RAB38: variants seen among roughly 807,000 people sequenced by gnomAD.
The protein encoded by RAB38 is ras-related protein Rab-38.
Under a neutral mutation model 18.4 loss-of-function variants are expected in RAB38, and 15 were observed. The ratio of observed to expected loss-of-function variants is 0.82; its 90% confidence interval spans 0.55 to 1.26. RAB38 has a LOEUF of 1.26. RAB38 is among the 50% of genes most tolerant of loss of function. The probability of loss-of-function intolerance (pLI) is 0.00; values close to 1 mark genes in which losing one functional copy is unlikely to be tolerated. For missense variants in RAB38, 294 were observed against 267.4 expected, an observed-to-expected ratio of 1.10 and a Z score of -0.69; for synonymous variants, 101 against 104.4, an observed-to-expected ratio of 0.97 and a Z score of 0.20.
chr11:88,067,738 G>A, the RAB38 span, among the ~76,000 whole-genome samples: 1 of 151,978 alleles, frequency 6.6e-6, no homozygotes, highest in African/African-American at 2.4e-5. Context: ...ACAGTGAGGG[G>A]AACAACACAG....
At chr11:88,006,967 A>G in the RAB38 span, among the ~76,000 whole-genome samples, 1 of 151,842 alleles carries the variant, frequency 6.6e-6, no homozygotes, top group South Asian at 2.1e-4. Flanking sequence ...TATATTTCAA[A>G]ATACCTAAAG....
the RAB38 span, among the ~76,000 whole-genome samples, chr11:87,875,714 A>C: frequency 6.6e-6 from 1 of 151,542 alleles, no homozygotes; most frequent in Non-Finnish European, 1.5e-5. Context: ...TAGAAATGTA[A>C]TGTTTTTGAT....
At chr11:87,968,864 G>C in the RAB38 span, among the ~76,000 whole-genome samples, 1 of 152,248 alleles carries the variant, frequency 6.6e-6, no homozygotes, top group African/African-American at 2.4e-5. Flanking sequence ...CCTGGACATA[G>C]AGTGTGGAAT....
the RAB38 span, among the ~76,000 whole-genome samples, chr11:88,022,482 T>C: frequency 1.3e-5 from 2 of 151,792 alleles, no homozygotes; most frequent in Non-Finnish European, 2.9e-5. Context: ...AATATAGTAC[T>C]GGAAATTCTA....
the RAB38 span, among the ~76,000 whole-genome samples, chr11:87,857,941 G>C: frequency 1.1e-4 from 17 of 152,246 alleles, no homozygotes; most frequent in African/African-American, 3.9e-4. Flanking sequence ...CCTTGTCCAT[G>C]CCTATGTCCT....
At chr11:87,858,577 C>A in the RAB38 span, among the ~76,000 whole-genome samples, 1 of 151,966 alleles carries the variant, frequency 6.6e-6, no homozygotes, top group Admixed American at 6.6e-5. Context: ...GTGCTCCACA[C>A]AAAAAATTTA....
the RAB38 span, among the ~76,000 whole-genome samples, chr11:87,871,977 A>T: frequency 1.3e-5 from 2 of 151,566 alleles, no homozygotes; most frequent in Non-Finnish European, 3.0e-5. Context: ...ATATGTACAT[A>T]TTTTTGTTGG....
At chr11:88,083,894 T>C in the RAB38 span, among the ~76,000 whole-genome samples, 2 of 151,956 alleles carry the variant, frequency 1.3e-5, no homozygotes, top group Non-Finnish European at 2.9e-5. Context: ...CTATTATTTA[T>C]GAATTACCCA....
intron 1 of RAB38, among the ~76,000 whole-genome samples, chr11:88,160,553 G>A (rs1016201804): frequency 8.6e-5 from 13 of 151,956 alleles, no homozygotes; most frequent in Non-Finnish European, 1.9e-4. Flanking sequence ...CAATACTACT[G>A]ACAATAGCAA....
At chr11:87,960,277 TG>T in the RAB38 span, among the ~76,000 whole-genome samples, 1 of 151,742 alleles carries the variant, frequency 6.6e-6, no homozygotes, top group Non-Finnish European at 1.5e-5. Flanking sequence ...ACCTAAGAAT[TG>T]GCAGTTCTAA....
chr11:87,868,323 C>T, the RAB38 span, among the ~76,000 whole-genome samples: 6 of 151,602 alleles, frequency 4.0e-5, no homozygotes, highest in Admixed American at 6.6e-5. Flanking sequence ...GATCTGTGCA[C>T]GTCAGCTCCT....
chr11:88,068,741 T>C, the RAB38 span, among the ~76,000 whole-genome samples: 4 of 152,256 alleles, frequency 2.6e-5, no homozygotes, highest in African/African-American at 4.8e-5. Context: ...TGCAAGAGAA[T>C]TGTGAAATCA....
the RAB38 span, among the ~76,000 whole-genome samples, chr11:88,106,145 A>C: frequency 6.6e-6 from 1 of 152,000 alleles, no homozygotes; most frequent in Non-Finnish European, 1.5e-5. Context: ...GAGACCCGTG[A>C]CTTTTTTATT....
chr11:87,908,082 G>A, the RAB38 span, among the ~76,000 whole-genome samples: 1 of 151,834 alleles, frequency 6.6e-6, no homozygotes, highest in African/African-American at 2.4e-5. Flanking sequence ...ATTAGTCTCG[G>A]TCATAAGACT....
chr11:88,003,731 T>G, the RAB38 span, among the ~76,000 whole-genome samples: 1 of 9,988 alleles, frequency 1.0e-4, no homozygotes, highest in African/African-American at 4.9e-4. Flanking sequence ...ATATATAATA[T>G]ATTGTATATA....
the RAB38 span, among the ~76,000 whole-genome samples, chr11:88,048,493 TA>T: frequency 6.6e-6 from 1 of 152,026 alleles, no homozygotes; most frequent in Non-Finnish European, 1.5e-5. Flanking sequence ...GCCTCCAACT[TA>T]AAAAGGACTG....
chr11:88,164,739 T>A (rs1454582599), intron 1 of RAB38, among the ~76,000 whole-genome samples: 1 of 151,948 alleles, frequency 6.6e-6, no homozygotes, highest in Non-Finnish European at 1.5e-5. Context: ...AATGAAAAAA[T>A]CCAAAACACT....
the RAB38 span, among the ~76,000 whole-genome samples, chr11:88,102,723 T>C: frequency 6.6e-6 from 1 of 152,064 alleles, no homozygotes; most frequent in Non-Finnish European, 1.5e-5. Context: ...GTAGGCAGTG[T>C]CATTTCAGAC....
the RAB38 span, among the ~76,000 whole-genome samples, chr11:87,838,941 A>G: frequency 2.0e-5 from 3 of 152,196 alleles, no homozygotes; most frequent in African/African-American, 4.8e-5. Context: ...AACTTGTTCA[A>G]ACTTCCTCAG....
Sources: gnomAD v4.1 joint callset for allele counts (sites outside exome capture counted in the v4.1 genomes callset) on GRCh38, gnomAD v4.1.1 for gene constraint, MANE v1.5 for transcripts, NCBI Gene and HGNC (gene_info 2026-07-23, HGNC 2026-07-21) for gene names.